Variants in ENTREP2 observed in about 807,000 individuals in gnomAD.
The protein encoded by ENTREP2 is endosomal transmembrane epsin interactor 2.
the ENTREP2 span, among the ~76,000 whole-genome samples, chr15:29,165,185 G>C: frequency 2.6e-5 from 4 of 152,038 alleles, no homozygotes; most frequent in Non-Finnish European, 5.9e-5. Flanking sequence ...GTGCCAAGAG[G>C]AAAGTTCATA....
At chr15:29,588,132 A>G in the ENTREP2 span, among the ~76,000 whole-genome samples, 1 of 152,218 alleles carries the variant, frequency 6.6e-6, no homozygotes, top group Non-Finnish European at 1.5e-5. Flanking sequence ...TCCTGATGAA[A>G]GAACAAGCCA....
the ENTREP2 span, among the ~76,000 whole-genome samples, chr15:29,331,797 G>T: frequency 6.6e-6 from 1 of 152,206 alleles, no homozygotes; most frequent in African/African-American, 2.4e-5. Context: ...AACCACGGCT[G>T]ATAGTGCAGG....
the ENTREP2 span, among the ~76,000 whole-genome samples, chr15:29,595,852 G>T: frequency 2.0e-5 from 3 of 151,890 alleles, no homozygotes; most frequent in Admixed American, 2.0e-4. Flanking sequence ...GGACTTTGGG[G>T]GCTCTTTCAG....
the ENTREP2 span, among the ~76,000 whole-genome samples, chr15:29,530,105 C>CA: frequency 6.6e-6 from 1 of 152,128 alleles, no homozygotes; most frequent in Non-Finnish European, 1.5e-5. Flanking sequence ...TCACATCTCC[C>CA]ATGCTCGGAT....
chr15:29,235,217 T>C, the ENTREP2 span: 5 of 590,112 alleles, frequency 8.5e-6, no homozygotes, highest in Non-Finnish European at 1.5e-5. Context: ...TTCTATAGTC[T>C]TGATATCATT....
At chr15:29,623,893 G>A in the ENTREP2 span, among the ~76,000 whole-genome samples, 2 of 151,932 alleles carry the variant, frequency 1.3e-5, no homozygotes, top group African/African-American at 4.8e-5. Flanking sequence ...CCACCACTAC[G>A]CCCAGCTAAG....
At chr15:29,567,609 C>T in the ENTREP2 span, among the ~76,000 whole-genome samples, 1 of 152,156 alleles carries the variant, frequency 6.6e-6, no homozygotes, top group East Asian at 1.9e-4. Context: ...CTCAGTTCTG[C>T]TGTGTTCCAA....
At chr15:29,124,816 A>G in the ENTREP2 span, 1 of 1,472,134 alleles carries the variant, frequency 6.8e-7, no homozygotes. Context: ...AATTCCTGAG[A>G]AAGCTATCAT....
the ENTREP2 span, among the ~76,000 whole-genome samples, chr15:29,501,115 T>C: frequency 6.6e-6 from 1 of 152,068 alleles, no homozygotes; most frequent in South Asian, 2.1e-4. Context: ...TGGGGTATTC[T>C]ACAAAATGTT....
the ENTREP2 span, among the ~76,000 whole-genome samples, chr15:29,561,696 A>T: frequency 6.7e-6 from 1 of 149,766 alleles, no homozygotes; most frequent in African/African-American, 2.4e-5. Context: ...TCAAAATTAT[A>T]ATAATAATAA....
chr15:29,151,871 C>G, the ENTREP2 span: 1 of 1,504,726 alleles, frequency 6.6e-7, no homozygotes. Context: ...AGAATGTCAG[C>G]CTCATCCCGA....
the ENTREP2 span, among the ~76,000 whole-genome samples, chr15:29,211,609 C>T: frequency 0.029 from 4,479 of 152,194 alleles, 225 homozygotes; most frequent in African/African-American, 0.1. Flanking sequence ...ATATTGGCTG[C>T]GGGTTTGTCA....
At chr15:29,322,714 CTA>C in the ENTREP2 span, among the ~76,000 whole-genome samples, 1 of 152,182 alleles carries the variant, frequency 6.6e-6, no homozygotes, top group Non-Finnish European at 1.5e-5. Context: ...TCGATTATTT[CTA>C]TGTCTCCTCC....
At chr15:29,650,000 A>G in the ENTREP2 span, among the ~76,000 whole-genome samples, 2 of 152,184 alleles carry the variant, frequency 1.3e-5, no homozygotes, top group East Asian at 3.9e-4. Context: ...CCCCACAAAA[A>G]AATTGTGATG....
the ENTREP2 span, chr15:29,611,221 C>T: frequency 6.6e-6 from 1 of 152,152 alleles, no homozygotes; most frequent in East Asian, 1.9e-4. Context: ...CTCTGAGACA[C>T]TTCTCACTCC....
At chr15:29,484,586 CAT>C in the ENTREP2 span, among the ~76,000 whole-genome samples, 1 of 152,162 alleles carries the variant, frequency 6.6e-6, no homozygotes, top group African/African-American at 2.4e-5. Flanking sequence ...CTCTCACACA[CAT>C]ACTTCATATT....
At chr15:29,123,863 C>T in the ENTREP2 span, among the ~76,000 whole-genome samples, 1 of 152,116 alleles carries the variant, frequency 6.6e-6, no homozygotes, top group East Asian at 1.9e-4. Flanking sequence ...GCTGCAGCCT[C>T]CAGGAGCGAA....
At chr15:29,375,939 A>G in the ENTREP2 span, 1 of 152,210 alleles carries the variant, frequency 6.6e-6, no homozygotes, top group South Asian at 2.1e-4. Flanking sequence ...AAGCTTAGCA[A>G]TAAAAATAAA....
At chr15:29,150,454 G>T in the ENTREP2 span, among the ~76,000 whole-genome samples, 41,524 of 152,162 alleles carry the variant, frequency 0.27, 5,765 homozygotes, top group East Asian at 0.36. Context: ...TTGGTCAAAT[G>T]GATGTGATAT....
Sources: allele counts gnomAD v4.1 joint callset (sites outside exome capture counted in the v4.1 genomes callset), GRCh38; gene constraint gnomAD v4.1.1; transcripts MANE v1.5; gene names NCBI Gene and HGNC (gene_info 2026-07-23, HGNC 2026-07-21).